The following MYO7A variants were observed in gnomAD, a reference collection of about 807,000 sequenced individuals.
MYO7A encodes myosin VIIA, also known as unconventional myosin-VIIa.
Under a neutral mutation model 263.8 loss-of-function variants are expected in MYO7A, and 210 were observed. The ratio of observed to expected loss-of-function variants is 0.80; its 90% CI spans 0.71 to 0.89. The LOEUF (loss-of-function observed/expected upper bound fraction) is 0.89, where lower values mean the gene tolerates loss of function less well. MYO7A is among the 40% of genes least tolerant of loss of function. The probability of loss-of-function intolerance (pLI) is 0.00; values close to 1 mark genes in which losing one functional copy is unlikely to be tolerated. For missense variants in MYO7A, 2,820 were observed against 2,968.3 expected (o/e 0.95, Z 1.16); for synonymous variants, 1,239 against 1,197.3 (o/e 1.03, Z -0.72).
Position 77,208,427 on chromosome 11 carries a change from C to T in MYO7A, c.5857-3C>T. ...GAGTGTGCTTCGATGGCCCTGACCC[C>T]AGGTCCTCAGCGTTCCTGAGAATGA... is the stretch of plus-strand genomic sequence containing the variant. On this transcript the variant is annotated splice_region_variant and splice_polypyrimidine_tract_variant and intron_variant, in intron 42 of 48. Coordinates refer to ENST00000409709, the MANE Select transcript of MYO7A (RefSeq NM_000260.4). The T allele has an allele frequency of 6.2e-7, 1 of 1,609,636 alleles. No homozygotes were observed. The highest frequency in any genetic ancestry group is 1.3e-5 in the African/African-American group (1 of 74,942).
intron 45 of MYO7A, among the ~76,000 whole-genome samples, chr11:77,211,587 C>A (rs1008594719): frequency 1.3e-5 from 2 of 152,200 alleles, no homozygotes; most frequent in Admixed American, 1.3e-4. Context: ...GTCCTTGATA[C>A]CCTTTGGTCT....
intron 2 of MYO7A, among the ~76,000 whole-genome samples, chr11:77,135,438 GT>G (rs1404659263): frequency 1.3e-5 from 2 of 152,168 alleles, no homozygotes; most frequent in Non-Finnish European, 2.9e-5. Flanking sequence ...TTTATTGTAT[GT>G]TTATACCACA....
rs913145021 is a variant in MYO7A, at chr11:77,205,951, A to T, written c.5637-146A>T. On this transcript the variant is annotated intron_variant, in intron 40 of 48. Transcript: ENST00000409709. Reference sequence around the variant, plus strand: ...TCCCATTTTACAGATGAGGAGCTCAAGGCTCTGGGAGACTCAGTGGCCGGT... The same window carrying T: ...TCCCATTTTACAGATGAGGAGCTCATGGCTCTGGGAGACTCAGTGGCCGGT... 4 of 706,460 alleles carry T rather than the reference A, an allele frequency of 5.7e-6. No individual in the cohort carries two copies. In the Admixed American group the frequency reaches 9.2e-5, roughly 16 times the overall value. The allele number at this position is 706,460 out of a possible 1,614,324, so 43.8% of individuals were successfully genotyped here.
chr11:77,136,282 G>T (rs1420701407), intron 2 of MYO7A, among the ~76,000 whole-genome samples: 1 of 152,170 alleles, frequency 6.6e-6, no homozygotes, highest in Non-Finnish European at 1.5e-5. Flanking sequence ...ACGATTCGTT[G>T]TATAGAATGA....
intron 26 of MYO7A, among the ~76,000 whole-genome samples, chr11:77,183,495 G>C (rs1158122267): frequency 6.6e-6 from 1 of 152,264 alleles, no homozygotes; most frequent in Non-Finnish European, 1.5e-5. Flanking sequence ...GACCTTTGAG[G>C]CATGGGAGCT....
At chr11:77,145,062 G>T (rs1555052944) in intron 3 of MYO7A, among the ~76,000 whole-genome samples, 1 of 152,174 alleles carries the variant, frequency 6.6e-6, no homozygotes, top group Admixed American at 6.5e-5. Flanking sequence ...CCTCTGTTGG[G>T]ACTCCTCCCA....
At chr11:77,202,070 T>C (rs1957101499) in intron 36 of MYO7A, among the ~76,000 whole-genome samples, 1 of 152,156 alleles carries the variant, frequency 6.6e-6, no homozygotes, top group Admixed American at 6.5e-5. Context: ...GCTTTCTGAC[T>C]GACCCAACCT....
At chr11:77,141,365 C>T (rs1951197968) in intron 2 of MYO7A, among the ~76,000 whole-genome samples, 1 of 152,162 alleles carries the variant, frequency 6.6e-6, no homozygotes, top group African/African-American at 2.4e-5. Context: ...GGCCTGAAAC[C>T]CAGTCTTCTG....
At position 77,202,384 on chromosome 11, in the gene MYO7A, A is replaced by G; in HGVS notation, c.5128A>G (p.Lys1710Glu). ...LRTAEPEVRA[K>E]PYTLEEFSYD... Reference sequence around the variant, plus strand: ...AACGGCGGAGCCCGAGGTGCGTGCCAAGCCCTACACGCTGGAGGAGTTTTC... The same window carrying G: ...AACGGCGGAGCCCGAGGTGCGTGCCGAGCCCTACACGCTGGAGGAGTTTTC... The change falls in exon 37 of 49, where the codon AAG (lysine) becomes GAG (glutamate). Residue 1710 changes from lysine to glutamate, a missense_variant. Coordinates refer to ENST00000409709, the MANE Select transcript of MYO7A (RefSeq NM_000260.4). 6.4e-7 allele frequency: 1 copy of G among 1,556,798 alleles called. No individual in the cohort carries two copies. The highest frequency in any genetic ancestry group is 8.7e-7 in the Non-Finnish European group (1 of 1,149,946).
In MYO7A at chr11:77,160,159, C is replaced by G; in HGVS notation, c.1081-4C>G. 2 of 1,555,204 alleles carry G rather than the reference C, an allele frequency of 1.3e-6. No individual in the cohort carries two copies. Among genetic ancestry groups the G allele is most frequent in the Non-Finnish European group, 1.7e-6 (2 of 1,150,118 alleles). On this transcript the variant is annotated splice_polypyrimidine_tract_variant and splice_region_variant and intron_variant, in intron 10 of 48. Transcript: ENST00000409709. ...GTGAGCACCTGGGGTGTTGCCTGTA[C>G]CAGGTGAACCCCCCAGACCTGATGA...
chr11:77,133,278 C>A (rs566695213), intron 2 of MYO7A, among the ~76,000 whole-genome samples: 2 of 152,254 alleles, frequency 1.3e-5, no homozygotes, highest in Admixed American at 6.5e-5. Flanking sequence ...GTGTGGCACA[C>A]CTGACTCACA....
At position 77,147,670 on chromosome 11, in the gene MYO7A, C is replaced by G. The variant is rs57877022; in HGVS notation, c.133-128C>G. 14,555 of 1,208,576 alleles carry G rather than the reference C, an allele frequency of 0.012. 1,206 individuals are homozygous for G. The African/African-American group carries it at 0.19, about 15-fold the overall frequency. 74.9% of individuals were successfully genotyped at this position (1,208,576 alleles called of 1,614,324 possible). A position where few individuals can be genotyped will look rare whatever the true frequency, so the allele number is the denominator to read the frequency against. On this transcript the variant is annotated intron_variant, in intron 3 of 48. Coordinates refer to ENST00000409709, the MANE Select transcript of MYO7A (RefSeq NM_000260.4). ...CCCTGTTAGAACTGACAGTGTCTGGCTGCCAGAGAGGTCGAGGCCCTTACC... is the reference window on the plus strand; with the variant it reads ...CCCTGTTAGAACTGACAGTGTCTGGGTGCCAGAGAGGTCGAGGCCCTTACC...
intron 22 of MYO7A, 58 bp from the exon 23 acceptor site, chr11:77,181,322 C>T: frequency 6.8e-7 from 1 of 1,468,760 alleles, no homozygotes; most frequent in Non-Finnish European, 9.1e-7. Context: ...AGCTTGTTCC[C>T]TGAGGCTGTG....
chr11:77,196,196 G>A (rs528931019), intron 32 of MYO7A, among the ~76,000 whole-genome samples: 56 of 152,306 alleles, frequency 3.7e-4, no homozygotes, highest in Admixed American at 7.2e-4. Flanking sequence ...GCAAAACCCC[G>A]TCTCTACTAA....
At chr11:77,205,748 A>G in intron 40 of MYO7A, 131 bp downstream of exon 40, 1 of 1,240,600 alleles carries the variant, frequency 8.1e-7, no homozygotes, top group Non-Finnish European at 1.1e-6. Flanking sequence ...CTCAACTGCC[A>G]GCTAGACGGA....
At chr11:77,164,866 A>G (rs1286489059) in intron 14 of MYO7A, among the ~76,000 whole-genome samples, 3 of 152,232 alleles carry the variant, frequency 2.0e-5, no homozygotes, top group African/African-American at 7.2e-5. Flanking sequence ...AGAAAGGGAA[A>G]TGGCTTGCCT....
Position 77,211,821 on chromosome 11 carries a change from T to C in MYO7A, c.6238T>C (p.Ser2080Pro). ...AGCCCTGACCGCCCTGTCCCCATAG[T>C]CCATCGTCGCCTACTTCAACAAGCA... ...RQVSPDDWKR[S>P]IVAYFNKHAG... Residue 2080 changes from serine (S) to proline (P), a missense_variant and splice_region_variant, in exon 46 of 49, where the codon TCC (serine) becomes CCC (proline). By Grantham distance (74) the Ser-to-Pro change is moderately conservative. Coordinates refer to ENST00000409709, the MANE Select transcript of MYO7A (RefSeq NM_000260.4). 1 of 1,613,398 alleles carries C rather than the reference T, an allele frequency of 6.2e-7. No homozygotes were observed. Among genetic ancestry groups the C allele is most frequent in the Non-Finnish European group, 8.5e-7 (1 of 1,179,426 alleles).
At chr11:77,211,100 GC>G (rs1957831987) in intron 44 of MYO7A, 51 bp from the exon 45 acceptor site, 1 of 1,466,512 alleles carries the variant, frequency 6.8e-7, no homozygotes, top group East Asian at 2.5e-5. Context: ...TGGGAAAGGA[GC>G]CCACTTCTGC....
At chr11:77,141,047 T>C (rs113415578) in intron 2 of MYO7A, among the ~76,000 whole-genome samples, 26 of 152,358 alleles carry the variant, frequency 1.7e-4, no homozygotes, top group African/African-American at 5.8e-4. Context: ...GGATTATGAC[T>C]GCCTATAGTA....
Sources: gnomAD v4.1 joint callset for allele counts (sites outside exome capture counted in the v4.1 genomes callset) on GRCh38, gnomAD v4.1.1 for gene constraint, MANE v1.5 for transcripts, NCBI Gene and HGNC (gene_info 2026-07-23, HGNC 2026-07-21) for gene names.